The following HECW2 variants were observed in gnomAD, a reference collection of about 807,000 sequenced individuals.
HECW2 encodes E3 ubiquitin-protein ligase HECW2.
In HECW2, 61 loss-of-function variants were observed where a neutral mutation model predicts 175.2. The ratio of observed to expected loss-of-function variants is 0.35; its 90% CI spans 0.28 to 0.43. HECW2 has a LOEUF of 0.43. HECW2 is among the 20% of genes least tolerant of loss of function. The probability of loss-of-function intolerance (pLI) is 1.00; values close to 1 mark genes in which losing one functional copy is unlikely to be tolerated. For missense variants in HECW2, 1,524 were observed against 2,000.5 expected, an observed-to-expected ratio of 0.76 and a Z score of 4.54; for synonymous variants, 671 against 731.0, an observed-to-expected ratio of 0.92 and a Z score of 1.32.
intron 2 of HECW2, among the ~76,000 whole-genome samples, chr2:196,359,546 C>T (rs1468346546): frequency 6.6e-6 from 1 of 152,202 alleles, no homozygotes; most frequent in African/African-American, 2.4e-5. Context: ...TTAGCAAATT[C>T]TAGAACCTGT....
intron 1 of HECW2, among the ~76,000 whole-genome samples, chr2:196,575,850 T>C (rs1041507634): frequency 6.6e-6 from 1 of 150,804 alleles, no homozygotes; most frequent in African/African-American, 2.5e-5. Flanking sequence ...GCCAAGCTCT[T>C]TTAAACAACC....
intron 2 of HECW2, among the ~76,000 whole-genome samples, chr2:196,400,854 T>C (rs992587266): frequency 1.3e-5 from 2 of 151,824 alleles, no homozygotes; most frequent in African/African-American, 4.8e-5. Context: ...AATTTCCATG[T>C]CTTGTATTCA....
intron 17 of HECW2, among the ~76,000 whole-genome samples, chr2:196,260,688 G>A (rs1244617024): frequency 1.3e-5 from 2 of 152,212 alleles, no homozygotes; most frequent in African/African-American, 4.8e-5. Context: ...CCTGTAAAGA[G>A]AGCAGATCAA....
At chr2:196,550,113 T>A (rs189274250) in intron 1 of HECW2, among the ~76,000 whole-genome samples, 22 of 152,272 alleles carry the variant, frequency 1.4e-4, no homozygotes, top group Non-Finnish European at 2.9e-4. Flanking sequence ...CAACTTGAAG[T>A]TTCCTCAGTG....
intron 19 of HECW2, among the ~76,000 whole-genome samples, chr2:196,247,005 G>A (rs1169268723): frequency 6.6e-6 from 1 of 152,142 alleles, no homozygotes; most frequent in Non-Finnish European, 1.5e-5. Context: ...GCTCACGCCT[G>A]TAATCCCATC....
At chr2:196,291,275 C>T (rs1378625) in intron 14 of HECW2, 39,029 of 152,050 alleles carry the variant, frequency 0.26, 5,906 homozygotes, top group African/African-American at 0.42. Flanking sequence ...CTGTGACATC[C>T]TCCCCAACCA....
At chr2:196,591,322 T>C (rs1691183895) in intron 1 of HECW2, among the ~76,000 whole-genome samples, 1 of 152,202 alleles carries the variant, frequency 6.6e-6, no homozygotes, top group Admixed American at 6.5e-5. Context: ...TTCAAACTAA[T>C]GAAGACTAAA....
chr2:196,453,290 G>A (rs1056663819), intron 1 of HECW2, among the ~76,000 whole-genome samples: 20 of 152,180 alleles, frequency 1.3e-4, no homozygotes, highest in Non-Finnish European at 1.6e-4. Flanking sequence ...ATGCTAAAAT[G>A]CATCAGACAA....
chr2:196,299,085 T>C (rs1690928076), intron 13 of HECW2, among the ~76,000 whole-genome samples: 2 of 152,168 alleles, frequency 1.3e-5, no homozygotes, highest in African/African-American at 4.8e-5. Flanking sequence ...ATTTGCCATA[T>C]ATAAGTCAGG....
intron 2 of HECW2, among the ~76,000 whole-genome samples, chr2:196,382,235 A>G (rs200793030): frequency 0.19 from 29,233 of 150,746 alleles, 3,537 homozygotes; most frequent in African/African-American, 0.35. Flanking sequence ...GTGTGTATAT[A>G]TATATATATA....
At chr2:196,223,304 G>T (rs1209770479) in intron 23 of HECW2, among the ~76,000 whole-genome samples, 3 of 152,158 alleles carry the variant, frequency 2.0e-5, no homozygotes, top group Admixed American at 2.0e-4. Flanking sequence ...GATAAGGTAG[G>T]GATAGGGATT....
chr2:196,590,552 G>A (rs4850715), intron 1 of HECW2, among the ~76,000 whole-genome samples: 123,087 of 152,206 alleles, frequency 0.81, 50,197 homozygotes, highest in East Asian at 0.95. Flanking sequence ...GAAGCCTCTG[G>A]TTTCTCTTAA....
At chr2:196,401,626 A>G (rs1694819097) in intron 2 of HECW2, among the ~76,000 whole-genome samples, 1 of 152,200 alleles carries the variant, frequency 6.6e-6, no homozygotes, top group South Asian at 2.1e-4. Context: ...GGTGACATAT[A>G]CCTTTCACAG....
chr2:196,247,663 T>G (rs1688699425), intron 19 of HECW2, among the ~76,000 whole-genome samples: 1 of 152,216 alleles, frequency 6.6e-6, no homozygotes, highest in Non-Finnish European at 1.5e-5. Context: ...TTACCCTATT[T>G]TCATATACTG....
chr2:196,292,880 A>G, intron 13 of HECW2, 130 bp from the exon 14 acceptor site: 1 of 675,034 alleles, frequency 1.5e-6, no homozygotes, highest in South Asian at 2.2e-5. Context: ...ACAGAACTCT[A>G]GACCCATGTA....
intron 19 of HECW2, among the ~76,000 whole-genome samples, chr2:196,251,503 C>T (rs907787493): frequency 6.6e-6 from 1 of 152,160 alleles, no homozygotes; most frequent in African/African-American, 2.4e-5. Context: ...CCATTGATGG[C>T]CCAAAGATTT....
chr2:196,299,734 C>T (rs1690962450), intron 13 of HECW2, among the ~76,000 whole-genome samples: 1 of 152,140 alleles, frequency 6.6e-6, no homozygotes, highest in African/African-American at 2.4e-5. Context: ...TCGAGACCAT[C>T]CTGGCTAACA....
intron 1 of HECW2, among the ~76,000 whole-genome samples, chr2:196,516,184 G>T (rs1354044835): frequency 6.6e-6 from 1 of 152,090 alleles, no homozygotes; most frequent in Non-Finnish European, 1.5e-5. Flanking sequence ...TTTTAGGTTG[G>T]ATTATGCCTT....
At chr2:196,331,070 T>TTTC (rs1360974909) in intron 4 of HECW2, 5 of 826,998 alleles carry the variant, frequency 6.0e-6, no homozygotes, top group Non-Finnish European at 7.3e-6. Flanking sequence ...GAAGTATAAA[T>TTTC]TTCTACTGCC....
Sources: gnomAD v4.1 joint callset for allele counts (sites outside exome capture counted in the v4.1 genomes callset) on GRCh38, gnomAD v4.1.1 for gene constraint, MANE v1.5 for transcripts, NCBI Gene and HGNC (gene_info 2026-07-23, HGNC 2026-07-21) for gene names.